Variants in CALCOCO2 observed in about 807,000 individuals in gnomAD.
CALCOCO2 encodes the protein calcium-binding and coiled-coil domain-containing protein 2.
In CALCOCO2, 42 loss-of-function variants were observed where a neutral mutation model predicts 62.5. The observed-to-expected ratio is 0.67, with a 90% CI of 0.53 to 0.87. The LOEUF (loss-of-function observed/expected upper bound fraction) is 0.87. Ranked by LOEUF, CALCOCO2 falls within the 40% of genes least tolerant of loss-of-function variation. The pLI is 0.00. For missense variants in CALCOCO2, 456 were observed against 515.0 expected, an observed-to-expected ratio of 0.89 and a Z score of 1.11; for synonymous variants, 167 against 173.0, an observed-to-expected ratio of 0.97 and a Z score of 0.27.
chr17:48,862,610 G>A (rs2143688669), intron 12 of CALCOCO2, among the ~76,000 whole-genome samples: 1 of 152,340 alleles, frequency 6.6e-6, no homozygotes, highest in Middle Eastern at 3.4e-3. Flanking sequence ...AAGGCTAGAA[G>A]CTATGTTGGC....
At chr17:48,853,202 T>A (rs921495757) in intron 9 of CALCOCO2, 190 bp downstream of exon 9, 11 of 542,262 alleles carry the variant, frequency 2.0e-5, no homozygotes, top group Non-Finnish European at 3.0e-5. Context: ...ATTTCTAATA[T>A]GTGATAAGTA....
intron 1 of CALCOCO2, chr17:48,839,564 G>T (rs1598026088): frequency 6.7e-6 from 1 of 149,252 alleles, no homozygotes; most frequent in African/African-American, 2.5e-5. Flanking sequence ...GGCCAGATTG[G>T]TCTCGAACTC....
At chr17:48,839,134 A>G (rs1239236693) in intron 1 of CALCOCO2, among the ~76,000 whole-genome samples, 2 of 151,320 alleles carry the variant, frequency 1.3e-5, no homozygotes, top group Non-Finnish European at 1.5e-5. Flanking sequence ...CAGCCTCCTG[A>G]GTAGCTGGGA....
At position 48,864,066 on chromosome 17, in the gene CALCOCO2, C is replaced by CTTTTTTTTTTTTTTT. The variant is rs35356632; in HGVS notation, c.*1066_*1080dup. The CTTTTTTTTTTTTTTT allele has an allele frequency of 7.9e-6, 1 of 126,502 alleles. No homozygotes were observed. Among genetic ancestry groups the CTTTTTTTTTTTTTTT allele is most frequent in the African/African-American group, 3.0e-5 (1 of 33,542 alleles). The allele number at this position is 126,502 out of a possible 1,614,324, so 7.8% of individuals were successfully genotyped here. Reference sequence around the variant, plus strand: ...TCCAAGGCCCTGGCTTGCTTTCTTTCTTTTTTTTTTTTTTTTTTTGAAACA... The same window carrying CTTTTTTTTTTTTTTT: ...TCCAAGGCCCTGGCTTGCTTTCTTTCTTTTTTTTTTTTTTTTTTTTTTTTTTTTTTTTTTGAAACA... On this transcript the variant is annotated 3_prime_UTR_variant, in exon 13 of 13. Coordinates refer to ENST00000258947, the MANE Select transcript of CALCOCO2 (RefSeq NM_005831.5).
intron 11 of CALCOCO2, among the ~76,000 whole-genome samples, chr17:48,861,418 G>A (rs983122219): frequency 6.6e-6 from 1 of 151,854 alleles, no homozygotes; most frequent in African/African-American, 2.4e-5. Flanking sequence ...GTTTTGCCAT[G>A]TTGCCCAGGC....
At chr17:48,857,902 A>C (rs2040243375) in intron 10 of CALCOCO2, among the ~76,000 whole-genome samples, 1 of 148,724 alleles carries the variant, frequency 6.7e-6, no homozygotes, top group Non-Finnish European at 1.5e-5. Flanking sequence ...GCGTGAACCC[A>C]GGAGGTGGAG....
intron 1 of CALCOCO2, among the ~76,000 whole-genome samples, chr17:48,833,365 G>A (rs1253204691): frequency 6.6e-6 from 1 of 151,854 alleles, no homozygotes; most frequent in Non-Finnish European, 1.5e-5. Context: ...GACCAACTTG[G>A]CCAACATAGT....
chr17:48,856,937 T>C (rs1287706785), intron 10 of CALCOCO2, among the ~76,000 whole-genome samples: 1 of 151,480 alleles, frequency 6.6e-6, no homozygotes, highest in Non-Finnish European at 1.5e-5. Flanking sequence ...TAGCTGGGAC[T>C]ATAGGCATAT....
At chr17:48,852,429 T>C in intron 7 of CALCOCO2, 77 bp from the exon 8 acceptor site, 1 of 1,308,000 alleles carries the variant, frequency 7.6e-7, no homozygotes, top group Non-Finnish European at 1.1e-6. Flanking sequence ...CTCTTTGTTA[T>C]TGTACGTTAA....
chr17:48,854,382 TTA>T (rs201839175), intron 9 of CALCOCO2, among the ~76,000 whole-genome samples: 9 of 5,992 alleles, frequency 1.5e-3, no homozygotes, highest in African/African-American at 2.1e-3. Context: ...TTTCTTTTAT[TTA>T]TATATATATA....
chr17:48,844,320 A>G (rs1461243562), intron 2 of CALCOCO2, among the ~76,000 whole-genome samples: 1 of 152,168 alleles, frequency 6.6e-6, no homozygotes, highest in Non-Finnish European at 1.5e-5. Context: ...CAGACTTTAA[A>G]ACGTAGTTTA....
chr17:48,843,731 C>A (rs936840302), intron 2 of CALCOCO2, among the ~76,000 whole-genome samples: 1 of 152,182 alleles, frequency 6.6e-6, no homozygotes, highest in African/African-American at 2.4e-5. Context: ...TTTTCTTCCT[C>A]ATATGTAGCA....
intron 1 of CALCOCO2, 113 bp from the exon 2 acceptor site, chr17:48,841,585 T>G: frequency 1.6e-6 from 1 of 613,328 alleles, no homozygotes. Context: ...TTGTCAGGAT[T>G]TTGCTTTTCC....
intron 2 of CALCOCO2, 42 bp from the exon 3 acceptor site, chr17:48,848,022 G>T: frequency 9.0e-7 from 1 of 1,108,454 alleles, no homozygotes; most frequent in Non-Finnish European, 1.4e-6. Context: ...ATTTTCCCCA[G>T]TCCCCTTTCA....
chr17:48,847,130 A>G (rs1265102463), intron 2 of CALCOCO2, among the ~76,000 whole-genome samples: 1 of 152,210 alleles, frequency 6.6e-6, no homozygotes, highest in East Asian at 1.9e-4. Context: ...TTAAGCATGC[A>G]TGAAGAAAAA....
chr17:48,839,705 T>TTGA (rs2039951194), intron 1 of CALCOCO2, among the ~76,000 whole-genome samples: 1 of 109,538 alleles, frequency 9.1e-6, no homozygotes. Flanking sequence ...AAACGGAGTT[T>TTGA]CACTCTTCTT....
chr17:48,857,297 A>G (rs1393096805), intron 10 of CALCOCO2, among the ~76,000 whole-genome samples: 12 of 150,358 alleles, frequency 8.0e-5, no homozygotes, highest in Non-Finnish European at 1.5e-5. Flanking sequence ...TTCCGGGTTC[A>G]AGCGATTCCC....
chr17:48,854,776 T>G (rs1220539061), intron 9 of CALCOCO2, among the ~76,000 whole-genome samples: 1 of 151,992 alleles, frequency 6.6e-6, no homozygotes, highest in Non-Finnish European at 1.5e-5. Context: ...GCAATCCTAA[T>G]TCCTCATACA....
At chr17:48,854,895 C>A (rs2040190869) in intron 9 of CALCOCO2, among the ~76,000 whole-genome samples, 1 of 152,040 alleles carries the variant, frequency 6.6e-6, no homozygotes, top group Non-Finnish European at 1.5e-5. Context: ...AGGTGGAACG[C>A]CTTAAGGCAA....
Sources: allele counts gnomAD v4.1 joint callset (sites outside exome capture counted in the v4.1 genomes callset), GRCh38; gene constraint gnomAD v4.1.1; transcripts MANE v1.5; gene names NCBI Gene and HGNC (gene_info 2026-07-23, HGNC 2026-07-21).